NFYA: variants seen among roughly 807,000 people sequenced by gnomAD.
The protein encoded by NFYA is CAAT-box DNA binding protein subunit A.
NFYA carries 28 observed loss-of-function variants against 52.8 expected under a neutral mutation model. The ratio of observed to expected loss-of-function variants is 0.53; its 90% CI spans 0.39 to 0.73. NFYA has a LOEUF of 0.73. NFYA is among the 30% of genes least tolerant of loss of function. The pLI is 0.00. For missense variants in NFYA, 234 were observed against 427.0 expected (o/e 0.55, Z 3.98); for synonymous variants, 150 against 150.7 (o/e 1.00, Z 0.03).
rs373976632 is a variant in NFYA at position 41,089,457 on chromosome 6, A to G, written c.310-122A>G. 42 of 1,099,668 alleles carry G rather than the reference A, an allele frequency of 3.8e-5. 1 individual carries two copies. In the East Asian group the frequency reaches 6.0e-4, roughly 16 times the overall value. The allele number at this position is 1,099,668 out of a possible 1,614,324, so 68.1% of individuals were successfully genotyped here. A position where few individuals can be genotyped will look rare whatever the true frequency, so the allele number is the denominator to read the frequency against. On this transcript the variant is annotated intron_variant, in intron 4 of 9. Transcript: ENST00000341376. ...TCTACTTCATAATGGAGGGCAGAGC[A>G]GGACTTCTTTTTTCCTCTTCAGAAC... is the stretch of plus-strand genomic sequence containing the variant.
Position 41,097,521 on chromosome 6 carries a change from A to G in NFYA, c.*111A>G. 1 of 1,101,346 alleles carries G rather than the reference A, an allele frequency of 9.1e-7. No individual in the cohort carries two copies. Among genetic ancestry groups the G allele is most frequent in the Non-Finnish European group, 1.3e-6 (1 of 750,528 alleles). The allele number at this position is 1,101,346 out of a possible 1,614,324, so 68.2% of individuals were successfully genotyped here. On this transcript the variant is annotated 3_prime_UTR_variant, in exon 10 of 10. Coordinates refer to ENST00000341376, the MANE Select transcript of NFYA (RefSeq NM_002505.5). Reference sequence around the variant, plus strand: ...ATCACATTCTGCCCTTTACTACAGGACAGAAACCACTTAGTTTTTAATAAG... The same window carrying G: ...ATCACATTCTGCCCTTTACTACAGGGCAGAAACCACTTAGTTTTTAATAAG...
rs144570143 is a variant in NFYA, at chr6:41,080,840, G to A, written c.105G>A (p.Leu35=). The A allele has an allele frequency of 6.2e-7, 1 of 1,613,978 alleles. No homozygotes were observed. The highest frequency in any genetic ancestry group is 8.5e-7 in the Non-Finnish European group (1 of 1,179,874). ...QQQGGVTAVQ[L]QTEAQVASAS... ...AGGGTGGTGTCACTGCTGTGCAGTT[G>A]CAGACTGAGGCCCAGGTGGCATCCG... The change falls in exon 3 of 10, where the codon TTG becomes TTA. Residue 35 remains leucine (L), a synonymous_variant. Transcript: ENST00000341376.
intron 1 of NFYA, chr6:41,075,625 G>T (rs1052202631): frequency 6.6e-6 from 1 of 151,548 alleles, no homozygotes; most frequent in Admixed American, 6.6e-5. Flanking sequence ...TTGATTTGTA[G>T]TACTTCACCT....
chr6:41,097,140 G>A (rs1386336311), intron 9 of NFYA, among the ~76,000 whole-genome samples: 2 of 152,194 alleles, frequency 1.3e-5, no homozygotes, highest in Non-Finnish European at 2.9e-5. Flanking sequence ...ATGGAGTGCA[G>A]GCCAGACTTT....
chr6:41,088,632 G>A (rs925291550), intron 4 of NFYA, among the ~76,000 whole-genome samples: 1 of 151,872 alleles, frequency 6.6e-6, no homozygotes, highest in African/African-American at 2.4e-5. Flanking sequence ...TGCCTAGGCT[G>A]GAATGCAGTG....
In NFYA at chr6:41,084,026, CTTATT is replaced by C; in HGVS notation, c.163-13_163-9del. The C allele has an allele frequency of 1.3e-6, 2 of 1,578,142 alleles. No homozygotes were observed. Among genetic ancestry groups the C allele is most frequent in the Non-Finnish European group, 1.7e-6 (2 of 1,161,996 alleles). ...TTGTGTCTTATGTTATTTCATTGTTCTTATTTTATTTCATTCTAGGTCCAAGGGCA... is the reference window on the plus strand; with the variant it reads ...TTGTGTCTTATGTTATTTCATTGTTCTTATTTCATTCTAGGTCCAAGGGCA... On this transcript the variant is annotated splice_polypyrimidine_tract_variant and intron_variant, in intron 3 of 9. Coordinates refer to ENST00000341376, the MANE Select transcript of NFYA (RefSeq NM_002505.5).
chr6:41,082,598 A>G (rs1763939722), intron 3 of NFYA, among the ~76,000 whole-genome samples: 1 of 152,352 alleles, frequency 6.6e-6, no homozygotes. Context: ...TCCTACTTAC[A>G]TAGATTTTAT....
intron 1 of NFYA, among the ~76,000 whole-genome samples, chr6:41,073,574 C>T (rs1763613367): frequency 6.6e-6 from 1 of 151,948 alleles, no homozygotes; most frequent in African/African-American, 2.4e-5. Context: ...CCCCCGCTCC[C>T]CGCTCCCAGC....
At chr6:41,094,592 T>C in intron 9 of NFYA, 95 bp downstream of exon 9, 3 of 855,858 alleles carry the variant, frequency 3.5e-6, no homozygotes, top group Non-Finnish European at 5.7e-6. Flanking sequence ...TTTCCTACTC[T>C]GGGACTACTC....
chr6:41,090,751 A>G (rs9471475), intron 6 of NFYA, among the ~76,000 whole-genome samples: 33,714 of 152,130 alleles, frequency 0.22, 5,409 homozygotes, highest in African/African-American at 0.45. Flanking sequence ...TCTAGTAAGA[A>G]AGACGTGAAC....
chr6:41,078,859 T>G (rs1283822746), intron 1 of NFYA, among the ~76,000 whole-genome samples, 170 bp from the exon 2 acceptor site: 1 of 152,252 alleles, frequency 6.6e-6, no homozygotes, highest in Non-Finnish European at 1.5e-5. Context: ...TATGTTGTTA[T>G]GATTGTGCCA....
intron 5 of NFYA, 33 bp from the exon 6 acceptor site, chr6:41,090,171 C>G: frequency 7.4e-7 from 1 of 1,357,802 alleles, no homozygotes; most frequent in Non-Finnish European, 1.1e-6. Context: ...TCTTTGGGAT[C>G]TGTTGAATTG....
chr6:41,073,480 G>T (rs1039801476), intron 1 of NFYA, among the ~76,000 whole-genome samples: 3 of 152,002 alleles, frequency 2.0e-5, no homozygotes, highest in Non-Finnish European at 4.4e-5. Context: ...TTTCCTCCTG[G>T]TCGTTCTGGC....
chr6:41,090,123 A>ATTT, intron 5 of NFYA, 81 bp from the exon 6 acceptor site: 3 of 814,570 alleles, frequency 3.7e-6, no homozygotes, highest in African/African-American at 1.8e-5. Context: ...CAAAAAAATA[A>ATTT]TTTTTTTTTT....
chr6:41,096,877 C>T (rs1372055531), intron 9 of NFYA, among the ~76,000 whole-genome samples: 2 of 152,220 alleles, frequency 1.3e-5, no homozygotes, highest in Admixed American at 6.5e-5. Context: ...AATCACTTTA[C>T]CCATCTGGCC....
At chr6:41,092,151 A>G (rs1764213176) in intron 7 of NFYA, among the ~76,000 whole-genome samples, 1 of 152,224 alleles carries the variant, frequency 6.6e-6, no homozygotes, top group Admixed American at 6.5e-5. Context: ...CTAAATCCTC[A>G]TATGTCAAAA....
rs200657227 is a variant in NFYA, at chr6:41,094,491, T to A, written c.984T>A (p.His328Gln). The change falls in exon 9 of 10, where the codon CAT (histidine) becomes CAA (glutamine). Residue 328 changes from histidine to glutamine, a missense_variant. By Grantham distance (24) the His-to-Gln change is conservative. Around this residue, in one of 3 missense-constraint regions of NFYA, gnomAD observed 35 missense variants for 34.2 expected, o/e 1.02. Coordinates refer to ENST00000341376, the MANE Select transcript of NFYA (RefSeq NM_002505.5). ...CTCCAAAGGAAAAGGATAGTCCCCA[T>A]ATGCAGGTAGGAAGACATATACATT... ...FFSPKEKDSP[H>Q]MQDPNQADEE... The A allele has an allele frequency of 1.2e-6, 2 of 1,612,674 alleles. No homozygotes were observed. Among genetic ancestry groups the A allele is most frequent in the South Asian group, 2.2e-5 (2 of 91,062 alleles).
intron 4 of NFYA, among the ~76,000 whole-genome samples, chr6:41,088,283 C>G (rs892767285): frequency 6.6e-6 from 1 of 151,508 alleles, no homozygotes; most frequent in Non-Finnish European, 1.5e-5. Flanking sequence ...TTAAGCCAGG[C>G]GTGATGGCGG....
At chr6:41,091,855 A>G (rs1764205458) in intron 7 of NFYA, among the ~76,000 whole-genome samples, 161 bp downstream of exon 7, 1 of 152,226 alleles carries the variant, frequency 6.6e-6, no homozygotes, top group Non-Finnish European at 1.5e-5. Flanking sequence ...ACCATAATTC[A>G]TTCTGAGCAC....
Sources: gnomAD v4.1 joint callset for allele counts (sites outside exome capture counted in the v4.1 genomes callset) on GRCh38, gnomAD v4.1.1 for gene constraint, gnomAD v4.1.1 regional missense constraint, MANE v1.5 for transcripts, NCBI Gene and HGNC (gene_info 2026-07-23, HGNC 2026-07-21) for gene names.